The following CPNE4 variants were observed in gnomAD, a reference collection of about 807,000 sequenced individuals.
The protein encoded by CPNE4 is copine-4.
CPNE4 carries 25 observed loss-of-function variants against 67.9 expected under a neutral mutation model. The observed-to-expected ratio is 0.37, with a 90% CI of 0.27 to 0.51. The LOEUF (loss-of-function observed/expected upper bound fraction) is 0.51, where lower values mean the gene tolerates loss of function less well. Among genes scored for constraint, CPNE4 ranks in the 20% least tolerant of loss-of-function variants. CPNE4 has a pLI of 0.93. For missense variants in CPNE4, 464 were observed against 690.8 expected (o/e 0.67, Z 3.68); for synonymous variants, 242 against 244.9 (o/e 0.99, Z 0.11).
intron 14 of CPNE4, among the ~76,000 whole-genome samples, chr3:131,548,848 A>G (rs1429469154): frequency 2.6e-5 from 4 of 152,208 alleles, no homozygotes; most frequent in Non-Finnish European, 4.4e-5. Context: ...GAATGCTGCA[A>G]TACTAATTAT....
At chr3:131,627,520 T>C (rs1453441994) in intron 7 of CPNE4, among the ~76,000 whole-genome samples, 9 of 87,410 alleles carry the variant, frequency 1.0e-4, no homozygotes, top group Admixed American at 8.3e-4. Flanking sequence ...GACTTTCCAG[T>C]CTTCTTATTT....
At chr3:131,542,959 C>CTGA (rs2107630928) in intron 14 of CPNE4, 166 bp from the exon 15 acceptor site, 1 of 590,726 alleles carries the variant, frequency 1.7e-6, no homozygotes, top group East Asian at 2.8e-5. Context: ...GCTTAGGGTT[C>CTGA]TGATGAATGG....
At chr3:131,889,000 T>C (rs541426626) in intron 2 of CPNE4, among the ~76,000 whole-genome samples, 2 of 152,196 alleles carry the variant, frequency 1.3e-5, no homozygotes, top group Non-Finnish European at 2.9e-5. Context: ...ATAATGTCTT[T>C]TACATACTGA....
intron 1 of CPNE4, among the ~76,000 whole-genome samples, chr3:131,942,859 G>C (rs913091046): frequency 5.3e-5 from 8 of 152,122 alleles, no homozygotes; most frequent in African/African-American, 1.9e-4. Context: ...TAAGCAGACA[G>C]TGCAAAAATG....
chr3:131,832,175 A>C (rs1435801017), intron 2 of CPNE4, among the ~76,000 whole-genome samples: 8 of 152,212 alleles, frequency 5.3e-5, no homozygotes, highest in Non-Finnish European at 1.2e-4. Context: ...TAGAAGTCTT[A>C]TATAGCAAGT....
intron 2 of CPNE4, among the ~76,000 whole-genome samples, chr3:131,780,787 G>A (rs2083414594): frequency 6.6e-6 from 1 of 151,924 alleles, no homozygotes; most frequent in African/African-American, 2.4e-5. Flanking sequence ...CATGACATGT[G>A]ATTTACCCAT....
At chr3:131,756,745 T>C (rs1486874076) in intron 2 of CPNE4, among the ~76,000 whole-genome samples, 1 of 152,216 alleles carries the variant, frequency 6.6e-6, no homozygotes, top group African/African-American at 2.4e-5. Flanking sequence ...TGAAGTATGC[T>C]GATATGCTTT....
At chr3:131,891,582 A>G (rs1560549070) in intron 2 of CPNE4, among the ~76,000 whole-genome samples, 2 of 151,296 alleles carry the variant, frequency 1.3e-5, no homozygotes, top group South Asian at 2.1e-4. Context: ...CCCACCTTTC[A>G]CCCTCCAATA....
intron 2 of CPNE4, among the ~76,000 whole-genome samples, chr3:131,857,757 A>T (rs1301607639): frequency 6.6e-6 from 1 of 151,886 alleles, no homozygotes; most frequent in Non-Finnish European, 1.5e-5. Flanking sequence ...ATGCCTCTCT[A>T]CCTCCCATCC....
At chr3:131,564,937 A>C (rs1467642644) in intron 10 of CPNE4, among the ~76,000 whole-genome samples, 6 of 152,044 alleles carry the variant, frequency 3.9e-5, no homozygotes, top group Non-Finnish European at 8.8e-5. Flanking sequence ...TCCTGCCTAC[A>C]ACAAAGGGGA....
intron 2 of CPNE4, among the ~76,000 whole-genome samples, chr3:131,749,882 T>G (rs2082582581): frequency 6.6e-6 from 1 of 152,178 alleles, no homozygotes; most frequent in African/African-American, 2.4e-5. Flanking sequence ...GACTGGGTGA[T>G]TTCTAATGAA....
intron 2 of CPNE4, among the ~76,000 whole-genome samples, chr3:131,782,942 G>T (rs2083463852): frequency 6.6e-6 from 1 of 151,998 alleles, no homozygotes; most frequent in Admixed American, 6.6e-5. Context: ...GCCAACTCTT[G>T]AGAGGGGCTC....
intron 3 of CPNE4, among the ~76,000 whole-genome samples, chr3:131,714,395 C>T (rs2081633324): frequency 6.6e-6 from 1 of 152,186 alleles, no homozygotes. Flanking sequence ...GGAGAAAAAA[C>T]TTTGGCACTC....
At chr3:131,660,615 T>C (rs1156687) in intron 7 of CPNE4, among the ~76,000 whole-genome samples, 33,781 of 152,076 alleles carry the variant, frequency 0.22, 4,777 homozygotes, top group Non-Finnish European at 0.31. Context: ...TGGTATGGAG[T>C]TTAGGTTCCA....
intron 7 of CPNE4, among the ~76,000 whole-genome samples, chr3:131,639,811 A>G (rs1383908941): frequency 6.6e-6 from 1 of 152,198 alleles, no homozygotes; most frequent in African/African-American, 2.4e-5. Context: ...ATAATTCACC[A>G]TTATCAAGTG....
intron 7 of CPNE4, among the ~76,000 whole-genome samples, chr3:131,660,410 G>A (rs1258881729): frequency 4.6e-5 from 7 of 152,156 alleles, no homozygotes; most frequent in African/African-American, 1.4e-4. Context: ...GGATGGGAAG[G>A]ATGATGTGTT....
intron 2 of CPNE4, among the ~76,000 whole-genome samples, chr3:131,771,448 GA>G (rs1420994914): frequency 6.6e-6 from 1 of 152,114 alleles, no homozygotes; most frequent in African/African-American, 2.4e-5. Flanking sequence ...GGTGAAGGGT[GA>G]GGGGTGAGTA....
At chr3:131,588,120 C>CA (rs1432561195) in intron 7 of CPNE4, among the ~76,000 whole-genome samples, 5 of 151,774 alleles carry the variant, frequency 3.3e-5, no homozygotes, top group African/African-American at 7.3e-5. Context: ...ATTAGGAAGG[C>CA]AAAAAATCTT....
At chr3:131,886,238 T>C (rs1292036584) in intron 2 of CPNE4, among the ~76,000 whole-genome samples, 1 of 152,186 alleles carries the variant, frequency 6.6e-6, no homozygotes, top group Non-Finnish European at 1.5e-5. Context: ...AATGTGGAGC[T>C]TGGAATTCAA....
Sources: allele counts gnomAD v4.1 joint callset (sites outside exome capture counted in the v4.1 genomes callset), GRCh38; gene constraint gnomAD v4.1.1; transcripts MANE v1.5; gene names NCBI Gene and HGNC (gene_info 2026-07-23, HGNC 2026-07-21).